Variants in SLC26A6 observed in about 807,000 individuals in gnomAD.
The protein encoded by SLC26A6 is solute carrier family 26 member 6.
SLC26A6 carries 67 observed loss-of-function variants against 87.1 expected under a neutral mutation model. That is an observed-to-expected ratio of 0.77 (90% confidence interval 0.63 to 0.94). SLC26A6 has a LOEUF of 0.94. Ranked by LOEUF, SLC26A6 falls within the 40% of genes least tolerant of loss-of-function variation. The pLI is 0.00. For synonymous variants in SLC26A6, 414 were observed against 405.9 expected, an observed-to-expected ratio of 1.02 and a Z score of -0.24; for missense variants, 902 against 973.0, an observed-to-expected ratio of 0.93 and a Z score of 0.97.
In SLC26A6 at chr3:48,629,696, G is replaced by C. The variant is rs764205147; in HGVS notation, c.1545C>G (p.Val515=). The part of the protein sequence containing the change: ...VVRTQMPHYS[V]LGQVPDTDIY... ...TATCCGTGTCTGGCACCTGCCCCAGGACAGAGTAGTGGGGCCTGTGAAGGA... is the reference window on the plus strand; with the variant it reads ...TATCCGTGTCTGGCACCTGCCCCAGCACAGAGTAGTGGGGCCTGTGAAGGA... The change falls in exon 14 of 21, where the codon GTC becomes GTG. Residue 515 remains valine (V), a synonymous_variant. Coordinates refer to ENST00000395550, the MANE Select transcript of SLC26A6 (RefSeq NM_022911.3). 9 of 1,613,522 alleles carry C rather than the reference G, an allele frequency of 5.6e-6. No homozygotes were observed. The highest frequency in any genetic ancestry group is 1.7e-6 in the Non-Finnish European group (2 of 1,179,796).
At chr3:48,632,079 G>A (rs1279572418) in intron 5 of SLC26A6, 35 bp from the exon 6 acceptor site, 1 of 1,609,484 alleles carries the variant, frequency 6.2e-7, no homozygotes, top group East Asian at 2.2e-5. Context: ...GGAGAGGCAG[G>A]GGTCCTGGGG....
At chr3:48,627,923 T>A (rs780973572) in intron 17 of SLC26A6, 23 bp downstream of exon 17, 37 of 1,578,182 alleles carry the variant, frequency 2.3e-5, no homozygotes, top group Non-Finnish European at 8.6e-7. Flanking sequence ...AGCTGTCACC[T>A]CCTTTCCCAC....
Position 48,633,333 on chromosome 3 carries a change from C to A in SLC26A6, c.240G>T (p.Trp80Cys), listed in dbSNP as rs775581649. The change falls in exon 3 of 21, where the codon TGG becomes TGT. Residue 80 changes from tryptophan to cysteine, a missense_variant. By Grantham distance (215) the Trp-to-Cys change is radical. This residue lies in a region of SLC26A6 where 800 missense variants were observed against 856.8 expected (regional missense o/e 0.93). Coordinates refer to ENST00000395550, the MANE Select transcript of SLC26A6 (RefSeq NM_022911.3). ...AGTCACGCACAGGATACCGGGGTAA[C>A]CAGACCAAAACCGGGAGGTGTTGGA... ...LLLQHLPVLVWLPRYPVRDWL... is the reference protein window; with the variant it reads ...LLLQHLPVLVCLPRYPVRDWL... The A allele has an allele frequency of 2.5e-6, 4 of 1,613,482 alleles. No homozygotes were observed.
Position 48,628,771 on chromosome 3 carries a change from G to A in SLC26A6, c.1600-57C>T. 3 of 1,572,356 alleles carry A rather than the reference G, an allele frequency of 1.9e-6. No homozygotes were observed. Among genetic ancestry groups the A allele is most frequent in the African/African-American group, 2.7e-5 (2 of 73,912 alleles). On this transcript the variant is annotated intron_variant, in intron 14 of 20. Coordinates refer to ENST00000395550, the MANE Select transcript of SLC26A6 (RefSeq NM_022911.3). This position sits in a 1 kb window ranked among gnomAD's most constrained non-coding sequence, Gnocchi z 4.4. ...ATCTCCTCTCTCCTGGCTGCATCCTGTTCTCCTGCCTTTCCTTCCCTAGTG... is the reference window on the plus strand; with the variant it reads ...ATCTCCTCTCTCCTGGCTGCATCCTATTCTCCTGCCTTTCCTTCCCTAGTG...
intron 9 of SLC26A6, 58 bp downstream of exon 9, chr3:48,630,935 C>A: frequency 6.3e-7 from 1 of 1,597,118 alleles, no homozygotes; most frequent in South Asian, 1.1e-5. Flanking sequence ...CCTCCCCCAC[C>A]CGTTGCTGGC....
Position 48,626,225 on chromosome 3 carries a change from G to A in SLC26A6, c.2258C>T (p.Pro753Leu). Residue 753 changes from proline to leucine, a missense_variant, in exon 20 of 21, where the codon CCT (proline) becomes CTT (leucine). Pro to Leu is a moderately conservative substitution (Grantham distance 98, BLOSUM62 -3). Around this residue, in one of 3 missense-constraint regions of SLC26A6, gnomAD observed 99 missense variants for 100.1 expected, o/e 0.99. Transcript: ENST00000395550. ...GGCCAGAGGTAGGCTCACCGAAACA[G>A]GGCTGTCGGGGACAGGCCTCGGGTG... ...LQHPRPVPDS[P>L]VSVTRL The A allele has an allele frequency of 6.2e-7, 1 of 1,614,094 alleles. No individual in the cohort carries two copies. The highest frequency in any genetic ancestry group is 8.5e-7 in the Non-Finnish European group (1 of 1,180,010).
At chr3:48,631,388 G>C in intron 7 of SLC26A6, 82 bp from the exon 8 acceptor site, 1 of 1,403,544 alleles carries the variant, frequency 7.1e-7, no homozygotes, top group Non-Finnish European at 9.5e-7. Flanking sequence ...GGTGAGGAGG[G>C]AGATACTGGG....
At chr3:48,634,702 A>G in intron 1 of SLC26A6, 1 of 984,906 alleles carries the variant, frequency 1.0e-6, no homozygotes, top group African/African-American at 1.7e-5. Context: ...ACCTGGGGAG[A>G]GGATCCCATT....
chr3:48,628,267 C>A lies in SLC26A6; in HGVS notation c.1800+167G>T. ...CAGATGATGGGAGAGAAAATGCTGC[C>A]TAGAGCCCGGACCTGCTAGGGGAGT... On this transcript the variant is annotated intron_variant, in intron 16 of 20. Coordinates refer to ENST00000395550, the MANE Select transcript of SLC26A6 (RefSeq NM_022911.3). This position sits in a 1 kb window ranked among gnomAD's most constrained non-coding sequence, Gnocchi z 4.4. 1.1e-6 allele frequency: 1 copy of A among 911,532 alleles called. No homozygotes were observed. The highest frequency in any genetic ancestry group is 2.5e-5 in the East Asian group (1 of 39,768). The allele number at this position is 911,532 out of a possible 1,614,324, so 56.5% of individuals were successfully genotyped here.
intron 9 of SLC26A6, 26 bp from the exon 10 acceptor site, chr3:48,630,746 G>C: frequency 6.3e-7 from 1 of 1,577,718 alleles, no homozygotes; most frequent in East Asian, 2.3e-5. Flanking sequence ...ACGGGTGTGA[G>C]AAGACTTCCT....
At chr3:48,626,796 C>T in intron 18 of SLC26A6, 80 bp downstream of exon 18, 1 of 1,606,966 alleles carries the variant, frequency 6.2e-7, no homozygotes, top group South Asian at 1.1e-5. Context: ...TTTGGGGAGT[C>T]AGAGGCTGGG....
chr3:48,627,995 G>T lies in SLC26A6; in HGVS notation c.1844C>A (p.Thr615Asn), dbSNP rs762390410. 1 of 1,593,548 alleles carries T rather than the reference G, an allele frequency of 6.3e-7. No homozygotes were observed. The highest frequency in any genetic ancestry group is 1.9e-5 in the Admixed American group (1 of 53,568). Residue 615 changes from threonine (T) to asparagine (N), a missense_variant, in exon 17 of 21, where the codon ACC (threonine) becomes AAC (asparagine). Around this residue, in one of 3 missense-constraint regions of SLC26A6, gnomAD observed 800 missense variants for 856.8 expected, o/e 0.93. Transcript: ENST00000395550. ...GTTGCTCCTCATGTCTTCAAGGCTG[G>T]TGTTGACATTAATGGAAACTGAGGC... Reference protein sequence around the residue: ...KGASVSINVNTSLEDMRSNNV... With the variant: ...KGASVSINVNNSLEDMRSNNV...
At chr3:48,626,412 G>A (rs774431787) in intron 19 of SLC26A6, 58 bp from the exon 20 acceptor site, 19 of 1,610,392 alleles carry the variant, frequency 1.2e-5, no homozygotes, top group Admixed American at 1.7e-5. Flanking sequence ...CTCAACTCCC[G>A]GGAGCCAACA....
chr3:48,626,827 C>T (rs372356851), intron 18 of SLC26A6, 49 bp downstream of exon 18: 47 of 1,605,416 alleles, frequency 2.9e-5, no homozygotes, highest in Non-Finnish European at 3.9e-5. Context: ...GGGCAAATTA[C>T]AGGGTCAGTG....
intron 20 of SLC26A6, 48 bp downstream of exon 20, chr3:48,626,170 A>G: frequency 6.2e-7 from 1 of 1,613,264 alleles, no homozygotes; most frequent in South Asian, 1.1e-5. Context: ...GGTGGGGACA[A>G]GCAATAGATT....
In SLC26A6 at chr3:48,633,546, T is replaced by A. The variant is rs754391120; in HGVS notation, c.113A>T (p.Gln38Leu). The A allele has an allele frequency of 2.5e-6, 4 of 1,613,424 alleles. No individual in the cohort carries two copies. The highest frequency in any genetic ancestry group is 3.4e-6 in the Non-Finnish European group (4 of 1,180,004). The change falls in exon 2 of 21, where the codon CAG (glutamine) becomes CTG (leucine). Residue 38 changes from glutamine to leucine, a missense_variant. By Grantham distance (113) the Gln-to-Leu change is moderately radical. Around this residue, in one of 3 missense-constraint regions of SLC26A6, gnomAD observed 800 missense variants for 856.8 expected, o/e 0.93. Transcript: ENST00000395550. ...GCGCCCCAGCTCCTCCAAATGCTCC[T>A]GGTTCAGCAGCGGCCGTTCCATGTG... ...DYHMERPLLN[Q>L]EHLEELGRWG...
Position 48,628,167 on chromosome 3 carries a change from G to A in SLC26A6, c.1801-129C>T. On this transcript the variant is annotated intron_variant, in intron 16 of 20. Transcript: ENST00000395550. This position sits in a 1 kb window ranked among gnomAD's most constrained non-coding sequence, Gnocchi z 4.4. ...GCCAGGACCAGAAGCTGTGGGACCT[G>A]CAGCAGCCAGGCTGAAGCTCCTGGA... is the stretch of plus-strand genomic sequence containing the variant. The A allele has an allele frequency of 1.1e-6, 1 of 886,354 alleles. No homozygotes were observed. Among genetic ancestry groups the A allele is most frequent in the Non-Finnish European group, 1.7e-6 (1 of 581,918 alleles). 54.9% of individuals were successfully genotyped at this position (886,354 alleles called of 1,614,324 possible). A position where few individuals can be genotyped will look rare whatever the true frequency, so the allele number is the denominator to read the frequency against.
At chr3:48,631,398 G>A (rs1037997360) in intron 7 of SLC26A6, 92 bp from the exon 8 acceptor site, 1 of 1,372,620 alleles carries the variant, frequency 7.3e-7, no homozygotes, top group African/African-American at 1.5e-5. Flanking sequence ...GAGATACTGG[G>A]CAAAACCTTC....
chr3:48,633,719 C>A (rs1488790347), intron 1 of SLC26A6, 84 bp from the exon 2 acceptor site: 8 of 1,552,610 alleles, frequency 5.2e-6, no homozygotes, highest in Non-Finnish European at 6.1e-6. Context: ...CAGAGAGTTA[C>A]CTACCTGATT....
Sources: allele counts gnomAD v4.1 joint callset, GRCh38; gene constraint gnomAD v4.1.1; regional missense constraint gnomAD v4.1.1; non-coding constraint Gnocchi (gnomAD v3.1); transcripts MANE v1.5; gene names NCBI Gene and HGNC (gene_info 2026-07-23, HGNC 2026-07-21).